Variants in MYOM3 observed in about 807,000 individuals in gnomAD.
MYOM3 encodes myomesin-3.
In MYOM3, 155 loss-of-function variants were observed where a neutral mutation model predicts 191.7. That is an observed-to-expected ratio of 0.81 (90% CI 0.71 to 0.92). The LOEUF is 0.92. MYOM3 is among the 40% of genes least tolerant of loss of function. The probability of loss-of-function intolerance (pLI) is 0.00; values close to 1 mark genes in which losing one functional copy is unlikely to be tolerated. For missense variants in MYOM3, 1,889 were observed against 1,890.6 expected (o/e 1.00, Z 0.02); for synonymous variants, 757 against 762.9 (o/e 0.99, Z 0.13).
At chr1:24,096,829 C>A (rs777894078) in intron 7 of MYOM3, among the ~76,000 whole-genome samples, 16 of 152,342 alleles carry the variant, frequency 1.1e-4, no homozygotes, top group Non-Finnish European at 2.2e-4. Context: ...AAAGGTGTGA[C>A]CCCCTTGGGC....
chr1:24,095,578 G>T, intron 7 of MYOM3, 92 bp from the exon 8 acceptor site: 1 of 1,112,146 alleles, frequency 9.0e-7, no homozygotes, highest in Non-Finnish European at 1.3e-6. Flanking sequence ...ATGAGTTTGA[G>T]TCCTGGTCTG....
intron 17 of MYOM3, 120 bp downstream of exon 17, chr1:24,082,473 C>T (rs995587521): frequency 7.5e-7 from 1 of 1,339,796 alleles, no homozygotes; most frequent in African/African-American, 1.5e-5. Context: ...CTCCAGTTTC[C>T]CTCAGAGGGC....
At chr1:24,095,521 T>C (rs1570881787) in intron 7 of MYOM3, 35 bp from the exon 8 acceptor site, 2 of 1,596,784 alleles carry the variant, frequency 1.3e-6, no homozygotes, top group East Asian at 4.5e-5. Flanking sequence ...TTGGAGAAGG[T>C]TCAGAGCCCA....
At position 24,082,626 on chromosome 1, in the gene MYOM3, C is replaced by T. The variant is rs199613391; in HGVS notation, c.2059G>A (p.Ala687Thr). ...SEAGVGESSA[A>T]TEPIRVKQAL... ...TGCTTGACCCTGATGGGCTCGGTGGCGGCTGAGCTCTCGCCTACCCCAGCC... is the reference window on the plus strand; with the variant it reads ...TGCTTGACCCTGATGGGCTCGGTGGTGGCTGAGCTCTCGCCTACCCCAGCC... The change falls in exon 17 of 37, where the codon GCC becomes ACC. Residue 687 changes from alanine to threonine, a missense_variant. Coordinates refer to ENST00000374434, the MANE Select transcript of MYOM3 (RefSeq NM_152372.4). 5.1e-5 allele frequency: 82 copies of T among 1,611,216 alleles called. No homozygotes were observed. The highest frequency in any genetic ancestry group is 6.4e-5 in the Non-Finnish European group (75 of 1,179,036).
intron 29 of MYOM3, 33 bp from the exon 30 acceptor site, chr1:24,064,192 C>T: frequency 6.4e-7 from 1 of 1,562,040 alleles, no homozygotes; most frequent in Non-Finnish European, 8.8e-7. Context: ...GTGGTGTCAG[C>T]ATGGGCTCCA....
At position 24,071,132 on chromosome 1, in the gene MYOM3, C is replaced by T; in HGVS notation, c.3135G>A (p.Glu1045=). ...AELHLIFNNK[E]IFSSPNRKIN... is the part of the protein sequence containing the mutation. The stretch of plus-strand genomic sequence containing the variant: ...ACCCAATTACCGGCGAGCTGAAGAT[C>T]TCCTTGTTGTTGAAGATTAGATGTA... The change falls in exon 25 of 37, where the codon GAG becomes GAA. Residue 1045 remains glutamate, a synonymous_variant. Transcript: ENST00000374434. 2 of 1,613,786 alleles carry T rather than the reference C, an allele frequency of 1.2e-6. No individual in the cohort carries two copies. Among genetic ancestry groups the T allele is most frequent in the African/African-American group, 1.3e-5 (1 of 75,026 alleles).
Position 24,089,646 on chromosome 1 carries a change from T to C in MYOM3, c.1506A>G (p.Ser502=), listed in dbSNP as rs750213839. ...DAFEDTVTIP[S]PPTNVHASEI... ...CGCTGGCATGGACATTGGTTGGCGG[T>C]GAGGGGATGGTCACAGTATCTGAAA... The change falls in exon 14 of 37, where the codon TCA becomes TCG. Residue 502 remains serine (S), a synonymous_variant. Transcript: ENST00000374434. 7.6e-6 allele frequency: 12 copies of C among 1,587,736 alleles called. No individual in the cohort carries two copies. In the Admixed American group the frequency reaches 2.2e-4, roughly 29 times the overall value.
intron 19 of MYOM3, 37 bp from the exon 20 acceptor site, chr1:24,080,231 T>C: frequency 6.4e-7 from 1 of 1,551,406 alleles, no homozygotes; most frequent in African/African-American, 1.4e-5. Context: ...ATGTGTGAGT[T>C]GGGCAGCCAG....
intron 6 of MYOM3, among the ~76,000 whole-genome samples, chr1:24,099,362 T>C (rs1209662885): frequency 6.6e-6 from 1 of 152,210 alleles, no homozygotes; most frequent in Non-Finnish European, 1.5e-5. Context: ...CCAGCATGCC[T>C]AGTTCAGCAT....
At chr1:24,096,399 C>T (rs1000612066) in intron 7 of MYOM3, among the ~76,000 whole-genome samples, 5 of 152,172 alleles carry the variant, frequency 3.3e-5, no homozygotes, top group South Asian at 4.1e-4. Context: ...CTGGAGTTGC[C>T]AGCCTTGATG....
intron 12 of MYOM3, 99 bp downstream of exon 12, chr1:24,090,698 A>G: frequency 8.2e-7 from 1 of 1,217,278 alleles, no homozygotes. Context: ...CCTCCACCAG[A>G]CTCGGGGCTC....
chr1:24,067,237 C>T (rs903746433), intron 27 of MYOM3, 149 bp from the exon 28 acceptor site: 2 of 611,724 alleles, frequency 3.3e-6, no homozygotes, highest in Non-Finnish European at 5.6e-6. Flanking sequence ...TGGGGTGAGG[C>T]AGGGGCGGTG....
At chr1:24,105,715 T>C (rs1488172773) in intron 5 of MYOM3, among the ~76,000 whole-genome samples, 2 of 152,054 alleles carry the variant, frequency 1.3e-5, no homozygotes, top group Non-Finnish European at 2.9e-5. Flanking sequence ...CTATGATTAC[T>C]CCACTGCACA....
At position 24,108,054 on chromosome 1, in the gene MYOM3, T is replaced by C. The variant is rs1048153232; in HGVS notation, c.181A>G (p.Ser61Gly). The change falls in exon 3 of 37, where the codon AGC (serine) becomes GGC (glycine). Residue 61 changes from serine to glycine, a missense_variant. By Grantham distance (56) the Ser-to-Gly change is moderately conservative. Coordinates refer to ENST00000374434, the MANE Select transcript of MYOM3 (RefSeq NM_152372.4). Reference protein sequence around the residue: ...FRSSEEEHEFSAADYALAAAL... With the variant: ...FRSSEEEHEFGAADYALAAAL... The stretch of plus-strand genomic sequence containing the variant: ...GCTGCCAGGGCGTAGTCCGCGGCGC[T>C]GAACTCATGCTCTTCTTCGCTGCTC... The C allele has an allele frequency of 3.1e-6, 5 of 1,613,628 alleles. No individual in the cohort carries two copies. The highest frequency in any genetic ancestry group is 4.2e-6 in the Non-Finnish European group (5 of 1,179,838).
rs1309611398 is a variant in MYOM3, at chr1:24,081,224, G to A, written c.2407+106C>T. ...AGGGGCCTGGGGTGCAGGACAAACA[G>A]TGCAAGCCTGAATGCATAGAGGAGA... On this transcript the variant is annotated intron_variant, in intron 19 of 36. Coordinates refer to ENST00000374434, the MANE Select transcript of MYOM3 (RefSeq NM_152372.4). 14 of 1,440,434 alleles carry A rather than the reference G, an allele frequency of 9.7e-6. No individual in the cohort carries two copies. In the Admixed American group the frequency reaches 2.5e-4, roughly 26 times the overall value. The allele number at this position is 1,440,434 out of a possible 1,614,324, so 89.2% of individuals were successfully genotyped here. A position where few individuals can be genotyped will look rare whatever the true frequency, so the allele number is the denominator to read the frequency against.
intron 23 of MYOM3, among the ~76,000 whole-genome samples, chr1:24,072,902 C>T (rs1161240692): frequency 1.3e-5 from 2 of 152,166 alleles, no homozygotes; most frequent in Admixed American, 1.3e-4. Flanking sequence ...ATGTTTTGTA[C>T]ACAGTAGGTG....
chr1:24,063,058 A>AGGCCCCCATGGGT lies in MYOM3; in HGVS notation c.3770+55_3770+67dup. On this transcript the variant is annotated intron_variant, in intron 32 of 36. Transcript: ENST00000374434. This position sits in a 1 kb window ranked among gnomAD's most constrained non-coding sequence, Gnocchi z 4.5. ...AGGACCAGGCAGGGAGAAGGGAGGG[A>AGGCCCCCATGGGT]GGCCCCCATGGGTCAGGTGCTGAAT... 9.8e-7 allele frequency: 1 copy of AGGCCCCCATGGGT among 1,019,410 alleles called. No individual in the cohort carries two copies. 63.1% of individuals were successfully genotyped at this position (1,019,410 alleles called of 1,614,324 possible). A position where few individuals can be genotyped will look rare whatever the true frequency, so the allele number is the denominator to read the frequency against.
rs12082295 is a variant in MYOM3 at position 24,081,413 on chromosome 1, C to A, written c.2324G>T (p.Arg775Leu). The A allele has an allele frequency of 1.2e-6, 2 of 1,613,974 alleles. No individual in the cohort carries two copies. Among genetic ancestry groups the A allele is most frequent in the Admixed American group, 1.7e-5 (1 of 60,002 alleles). Residue 775 changes from arginine to leucine, a missense_variant, in exon 19 of 37, where the codon CGG becomes CTG. Transcript: ENST00000374434. The part of the protein sequence containing the change: ...HEGHFYEFRA[R>L]AANWAGVGEL... ...GCCAACACCTGCCCAGTTGGCAGCC[C>A]GGGCACGGAACTCATAGAAGTGGCC...
In MYOM3 at chr1:24,107,267, G is replaced by A. The variant is rs535505566; in HGVS notation, c.243-35C>T. The A allele has an allele frequency of 9.0e-6, 14 of 1,552,700 alleles. No individual in the cohort carries two copies. In the African/African-American group the frequency reaches 1.5e-4, roughly 17 times the overall value. On this transcript the variant is annotated intron_variant, in intron 3 of 36. Coordinates refer to ENST00000374434, the MANE Select transcript of MYOM3 (RefSeq NM_152372.4). ...CAGAGGCCATCGGGGCTCAGGCAGG[G>A]ATGGGGGATGCCTGGGGCATCCTGG...
Sources: gnomAD v4.1 joint callset for allele counts (sites outside exome capture counted in the v4.1 genomes callset) on GRCh38, gnomAD v4.1.1 for gene constraint, Gnocchi (gnomAD v3.1) non-coding constraint, MANE v1.5 for transcripts, NCBI Gene and HGNC (gene_info 2026-07-23, HGNC 2026-07-21) for gene names.